JAGN1: variants seen among roughly 807,000 people sequenced by gnomAD.
JAGN1 encodes protein jagunal homolog 1.
In JAGN1, 13 loss-of-function variants were observed where a neutral mutation model predicts 17.1. That is an observed-to-expected ratio of 0.76 (90% confidence interval 0.49 to 1.21). The LOEUF is 1.21. Ranked by LOEUF, JAGN1 falls within the 50% of genes most tolerant of loss-of-function variation. JAGN1 has a pLI of 0.00. For missense variants in JAGN1, 256 were observed against 234.2 expected, an observed-to-expected ratio of 1.09 and a Z score of -0.61; for synonymous variants, 111 against 91.0, an observed-to-expected ratio of 1.22 and a Z score of -1.25.
intron 1 of JAGN1, 50 bp from the exon 2 acceptor site, chr3:9,892,865 G>T: frequency 2.4e-6 from 3 of 1,249,764 alleles, no homozygotes; most frequent in Non-Finnish European, 3.5e-6. Flanking sequence ...GCATATAGTT[G>T]GTGGTAAGAA....
Position 9,893,155 on chromosome 3 carries a change from T to C in JAGN1, c.330T>C (p.Phe110=), listed in dbSNP as rs2082574589. 3.7e-6 allele frequency: 6 copies of C among 1,614,110 alleles called. No homozygotes were observed. The highest frequency in any genetic ancestry group is 5.1e-6 in the Non-Finnish European group (6 of 1,180,040). The change falls in exon 2 of 2, where the codon TTT becomes TTC. Residue 110 remains phenylalanine, a synonymous_variant. Coordinates refer to ENST00000647897, the MANE Select transcript of JAGN1 (RefSeq NM_032492.4). The part of the protein sequence containing the change: ...LVLSMISMGL[F]SIAPLIYGSM... ...TCTCCATGATCAGCATGGGACTCTT[T>C]TCCATCGCTCCACTCATTTATGGCA...
Position 9,894,319 on chromosome 3 carries a change from G to A in JAGN1, c.*942G>A, listed in dbSNP as rs1157229367. 2.0e-5 allele frequency: 3 copies of A among 152,196 alleles called. No homozygotes were observed. Among genetic ancestry groups the A allele is most frequent in the Non-Finnish European group, 4.4e-5 (3 of 68,034 alleles). The allele number at this position is 152,196 out of a possible 1,614,324, so 9.4% of individuals were successfully genotyped here. On this transcript the variant is annotated 3_prime_UTR_variant, in exon 2 of 2. Transcript: ENST00000647897. The stretch of plus-strand genomic sequence containing the variant: ...TAAAAACAGGAAGGAAGAGATCTGT[G>A]ATTAAACTAAAGGCCCTTTCACACC...
Position 9,893,279 on chromosome 3 carries a change from T to G in JAGN1, c.454T>G (p.Leu152Val). ...TGCCGTTTCCATCATGTACCTGGTG[T>G]TGGTGTTGGCAGTGCAAGTGCATGC... ...FSAVSIMYLV[L>V]VLAVQVHAWQ... is the part of the protein sequence containing the mutation. The change falls in exon 2 of 2, where the codon TTG becomes GTG. Residue 152 changes from leucine (L) to valine (V), a missense_variant. By Grantham distance (32) the Leu-to-Val change is conservative (BLOSUM62 1). Coordinates refer to ENST00000647897, the MANE Select transcript of JAGN1 (RefSeq NM_032492.4). 6.2e-7 allele frequency: 1 copy of G among 1,614,204 alleles called. No homozygotes were observed. Among genetic ancestry groups the G allele is most frequent in the Non-Finnish European group, 8.5e-7 (1 of 1,180,030 alleles).
intron 1 of JAGN1, among the ~76,000 whole-genome samples, chr3:9,892,506 C>G (rs2082569751): frequency 6.6e-6 from 1 of 151,950 alleles, no homozygotes; most frequent in South Asian, 2.1e-4. Flanking sequence ...TGATTCATAT[C>G]CCACTACCCC....
rs1166772509 is a variant in JAGN1 at position 9,890,688 on chromosome 3, C to T, written c.-35C>T. On this transcript the variant is annotated 5_prime_UTR_variant, in exon 1 of 2. Transcript: ENST00000647897. Reference sequence around the variant, plus strand: ...TGGCGGTGTCGTTGCGGTACCAGGTCCGCGTGAGGGGTTCGGGGGTTCTGG... The same window carrying T: ...TGGCGGTGTCGTTGCGGTACCAGGTTCGCGTGAGGGGTTCGGGGGTTCTGG... The T allele has an allele frequency of 1.3e-6, 2 of 1,580,194 alleles. No homozygotes were observed. The highest frequency in any genetic ancestry group is 1.1e-5 in the South Asian group (1 of 87,000).
Position 9,893,121 on chromosome 3 carries a change from A to G in JAGN1, c.296A>G (p.Tyr99Cys), listed in dbSNP as rs1233727232. 1.2e-6 allele frequency: 2 copies of G among 1,614,132 alleles called. No homozygotes were observed. The highest frequency in any genetic ancestry group is 1.1e-5 in the South Asian group (1 of 91,074). ...LLSFPRNNIS[Y>C]LVLSMISMGL... Reference sequence around the variant, plus strand: ...TCCTTTCCCCGCAACAACATTAGCTACCTGGTGCTCTCCATGATCAGCATG... The same window carrying G: ...TCCTTTCCCCGCAACAACATTAGCTGCCTGGTGCTCTCCATGATCAGCATG... Residue 99 changes from tyrosine to cysteine, a missense_variant, in exon 2 of 2, where the codon TAC (tyrosine) becomes TGC (cysteine). Physicochemically the swap from Tyr to Cys is radical, Grantham distance 194. Coordinates refer to ENST00000647897, the MANE Select transcript of JAGN1 (RefSeq NM_032492.4).
rs569663262 is a variant in JAGN1 at position 9,893,074 on chromosome 3, G to A, written c.249G>A (p.Leu83=). 24 of 1,614,012 alleles carry A rather than the reference G, an allele frequency of 1.5e-5. No individual in the cohort carries two copies. Among genetic ancestry groups the A allele is most frequent in the Non-Finnish European group, 1.9e-5 (22 of 1,180,022 alleles). The stretch of plus-strand genomic sequence containing the variant: ...AATACCCGTATTTGCTGAGCATTTT[G>A]CCCTCTCTCTTGGGCCTTCTCTCCT... ...QWEYPYLLSI[L]PSLLGLLSFP... is the part of the protein sequence containing the mutation. The change falls in exon 2 of 2, where the codon TTG becomes TTA. Residue 83 remains leucine, a synonymous_variant. Coordinates refer to ENST00000647897, the MANE Select transcript of JAGN1 (RefSeq NM_032492.4).
At chr3:9,892,769 A>G in intron 1 of JAGN1, 146 bp from the exon 2 acceptor site, 1 of 607,224 alleles carries the variant, frequency 1.6e-6, no homozygotes, top group Non-Finnish European at 2.9e-6. Flanking sequence ...TCATTTTCTA[A>G]TTACTTTTTC....
Position 9,893,379 on chromosome 3 carries a change from G to C in JAGN1, c.*2G>C. ...ACACAGGAGAAGAAGCATAAATGAA[G>C]CCTCTTTGGGGTGAAGCCTGGACAT... On this transcript the variant is annotated 3_prime_UTR_variant, in exon 2 of 2. Coordinates refer to ENST00000647897, the MANE Select transcript of JAGN1 (RefSeq NM_032492.4). The C allele has an allele frequency of 6.2e-7, 1 of 1,604,078 alleles. No homozygotes were observed. Among genetic ancestry groups the C allele is most frequent in the Non-Finnish European group, 8.5e-7 (1 of 1,174,758 alleles).
chr3:9,892,197 T>C (rs2082566772), intron 1 of JAGN1, among the ~76,000 whole-genome samples: 1 of 152,002 alleles, frequency 6.6e-6, no homozygotes, highest in African/African-American at 2.4e-5. Flanking sequence ...TTTGTATTTT[T>C]AGTAGAGACA....
chr3:9,890,793 C>T lies in JAGN1; in HGVS notation c.71C>T (p.Ala24Val), dbSNP rs377495463. The T allele has an allele frequency of 6.5e-5, 104 of 1,607,410 alleles. No individual in the cohort carries two copies. The highest frequency in any genetic ancestry group is 8.7e-5 in the Non-Finnish European group (103 of 1,177,854). ...GACTTTCAGCACCGGGAGCGCGTCG[C>T]CATGCACTACCAGATGAGGTATGAA... ...GSDFQHRERV[A>V]MHYQMSVTLK... Residue 24 changes from alanine (A) to valine (V), a missense_variant, in exon 1 of 2, where the codon GCC (alanine) becomes GTC (valine). Transcript: ENST00000647897.
intron 1 of JAGN1, among the ~76,000 whole-genome samples, chr3:9,892,372 C>T (rs1331582786): frequency 1.4e-5 from 2 of 147,984 alleles, no homozygotes; most frequent in Non-Finnish European, 3.0e-5. Context: ...GATGGGGTCT[C>T]ATTTTGTTGC....
At position 9,892,992 on chromosome 3, in the gene JAGN1, G is replaced by A. The variant is rs2082572962; in HGVS notation, c.167G>A (p.Ser56Asn). The change falls in exon 2 of 2, where the codon AGC becomes AAC. Residue 56 changes from serine (S) to asparagine (N), a missense_variant. Physicochemically the swap from Ser to Asn is conservative, Grantham distance 46. Coordinates refer to ENST00000647897, the MANE Select transcript of JAGN1 (RefSeq NM_032492.4). ...VIWLLLVAKM[S>N]VGHLRLLSHD... ...TGGCTGCTGCTGGTTGCTAAGATGA[G>A]CGTGGGACACCTGAGGCTCTTGTCA... 1 of 1,614,192 alleles carries A rather than the reference G, an allele frequency of 6.2e-7. No individual in the cohort carries two copies. Among genetic ancestry groups the A allele is most frequent in the South Asian group, 1.1e-5 (1 of 91,088 alleles).
intron 1 of JAGN1, among the ~76,000 whole-genome samples, chr3:9,891,864 T>C (rs1401372465): frequency 6.6e-6 from 1 of 152,188 alleles, no homozygotes; most frequent in East Asian, 1.9e-4. Flanking sequence ...TTCTTTTGGA[T>C]GAAAAAATCT....
chr3:9,891,240 T>G (rs1559259252), intron 1 of JAGN1, among the ~76,000 whole-genome samples: 1 of 152,194 alleles, frequency 6.6e-6, no homozygotes, highest in Non-Finnish European at 1.5e-5. Flanking sequence ...CCACGTAATA[T>G]ATGGTAGGTG....
chr3:9,891,250 G>A (rs979082004), intron 1 of JAGN1, among the ~76,000 whole-genome samples: 1 of 152,220 alleles, frequency 6.6e-6, no homozygotes, highest in African/African-American at 2.4e-5. Flanking sequence ...TATGGTAGGT[G>A]TTATATTTTG....
chr3:9,894,103 CTCT>C lies in JAGN1; in HGVS notation c.*731_*733del, dbSNP rs1460083638. On this transcript the variant is annotated 3_prime_UTR_variant, in exon 2 of 2. Transcript: ENST00000647897. ...TCATTTATCTACCTTAGGTTATGGG[CTCT>C]TCTTTTAGTTGGATATTCACATTTA... is the stretch of plus-strand genomic sequence containing the variant. 3 of 152,320 alleles carry C rather than the reference CTCT, an allele frequency of 2.0e-5. No homozygotes were observed. Among genetic ancestry groups the C allele is most frequent in the Non-Finnish European group, 2.9e-5 (2 of 68,040 alleles). 9.4% of individuals were successfully genotyped at this position (152,320 alleles called of 1,614,324 possible).
In JAGN1 at chr3:9,890,656, G is replaced by C; in HGVS notation, c.-67G>C. ...TGCGGGGGCGCAAATAGGGTCAGTG[G>C]GCCGCTTGGCGGTGTCGTTGCGGTA... On this transcript the variant is annotated 5_prime_UTR_variant, in exon 1 of 2. Coordinates refer to ENST00000647897, the MANE Select transcript of JAGN1 (RefSeq NM_032492.4). The C allele has an allele frequency of 6.7e-7, 1 of 1,483,012 alleles. No homozygotes were observed. Among genetic ancestry groups the C allele is most frequent in the Non-Finnish European group, 9.2e-7 (1 of 1,087,776 alleles). The allele number at this position is 1,483,012 out of a possible 1,614,324, so 91.9% of individuals were successfully genotyped here. A position where few individuals can be genotyped will look rare whatever the true frequency, so the allele number is the denominator to read the frequency against.
At position 9,893,079 on chromosome 3, in the gene JAGN1, C is replaced by T. The variant is rs758500098; in HGVS notation, c.254C>T (p.Ser85Phe). The T allele has an allele frequency of 2.4e-5, 39 of 1,613,936 alleles. No homozygotes were observed. The highest frequency in any genetic ancestry group is 3.2e-5 in the Non-Finnish European group (38 of 1,179,914). Residue 85 changes from serine (S) to phenylalanine (F), a missense_variant, in exon 2 of 2, where the codon TCT becomes TTT. Transcript: ENST00000647897. The part of the protein sequence containing the change: ...EYPYLLSILP[S>F]LLGLLSFPRN... ...CCGTATTTGCTGAGCATTTTGCCCT[C>T]TCTCTTGGGCCTTCTCTCCTTTCCC... is the stretch of plus-strand genomic sequence containing the variant.
Sources: gnomAD v4.1 joint callset for allele counts (sites outside exome capture counted in the v4.1 genomes callset) on GRCh38, gnomAD v4.1.1 for gene constraint, MANE v1.5 for transcripts, NCBI Gene and HGNC (gene_info 2026-07-23, HGNC 2026-07-21) for gene names.